Variants in THOC5 observed in about 807,000 individuals in gnomAD.
THOC5 encodes the protein THO complex subunit 5, also known as Fms-interacting protein.
A neutral mutation model predicts 92.9 loss-of-function variants in THOC5; 43 were observed. That is an observed-to-expected ratio of 0.46 (90% CI 0.36 to 0.60). The LOEUF is 0.60. Among genes scored for constraint, THOC5 ranks in the 20% least tolerant of loss-of-function variants. The pLI is 0.00. For missense variants in THOC5, 659 were observed against 849.4 expected (o/e 0.78, Z 2.79); for synonymous variants, 296 against 320.1 (o/e 0.92, Z 0.80).
At chr22:29,517,152 G>T (rs1334301081) in intron 16 of THOC5, 36 bp from the exon 17 acceptor site, 1 of 1,610,138 alleles carries the variant, frequency 6.2e-7, no homozygotes, top group Non-Finnish European at 8.5e-7. Context: ...GTGAACTGCT[G>T]GCTCCTCTGG....
chr22:29,552,936 TA>T (rs2064202151), intron 1 of THOC5, among the ~76,000 whole-genome samples: 1 of 152,180 alleles, frequency 6.6e-6, no homozygotes, highest in South Asian at 2.1e-4. Context: ...TCTATAGCCT[TA>T]CCCCCAACCC....
intron 1 of THOC5, among the ~76,000 whole-genome samples, chr22:29,551,497 T>C (rs112547061): frequency 0.033 from 4,975 of 152,142 alleles, 270 homozygotes; most frequent in African/African-American, 0.11. Context: ...CCCAACACTT[T>C]GGGAAACCAA....
In THOC5 at chr22:29,529,240, C is replaced by T. The variant is rs750990510; in HGVS notation, c.848-1G>A. The T allele has an allele frequency of 6.2e-7, 1 of 1,614,170 alleles. No homozygotes were observed. Among genetic ancestry groups the T allele is most frequent in the South Asian group, 1.1e-5 (1 of 91,076 alleles). On this transcript the variant is annotated splice_acceptor_variant, in intron 8 of 19. Transcript: ENST00000490103. LOFTEE classifies it high-confidence loss of function. The stretch of plus-strand genomic sequence containing the variant: ...TCGATTGCCACAGATAACGTCTTAT[C>T]TGGGGGGCAAGAAGAAGTCTGTTAG...
chr22:29,515,413 C>T (rs1235472819), intron 17 of THOC5, among the ~76,000 whole-genome samples: 3 of 152,130 alleles, frequency 2.0e-5, no homozygotes, highest in African/African-American at 4.8e-5. Flanking sequence ...TTTATACGTA[C>T]TGGGAAACCA....
chr22:29,553,107 G>T (rs1025423214), intron 1 of THOC5, among the ~76,000 whole-genome samples: 2 of 152,074 alleles, frequency 1.3e-5, no homozygotes, highest in African/African-American at 4.8e-5. Flanking sequence ...ACTGCGGAAG[G>T]CTGCAGGGTC....
intron 9 of THOC5, 181 bp downstream of exon 9, chr22:29,528,981 A>G (rs1026759427): frequency 8.2e-6 from 5 of 610,792 alleles, no homozygotes; most frequent in Admixed American, 6.2e-5. Context: ...GCTGAAATCC[A>G]CGGGCCGCAC....
At position 29,506,158 on chromosome 22, in the gene THOC5, C is replaced by T. The variant is rs1479826589; in HGVS notation, c.*2299G>A. The T allele has an allele frequency of 2.6e-5, 4 of 152,086 alleles. No individual in the cohort carries two copies. The highest frequency in any genetic ancestry group is 5.9e-5 in the Non-Finnish European group (4 of 68,026). The allele number at this position is 152,086 out of a possible 1,614,324, so 9.4% of individuals were successfully genotyped here. ...AAGGCGTAAGCCACTGTGCCCAGCCCATCTTATTTTTTAAAATGAAGAATG... is the reference window on the plus strand; with the variant it reads ...AAGGCGTAAGCCACTGTGCCCAGCCTATCTTATTTTTTAAAATGAAGAATG... On this transcript the variant is annotated 3_prime_UTR_variant, in exon 20 of 20. Coordinates refer to ENST00000490103, the MANE Select transcript of THOC5 (RefSeq NM_003678.5).
chr22:29,519,835 T>G (rs1262777863), intron 14 of THOC5, among the ~76,000 whole-genome samples, 173 bp downstream of exon 14: 1 of 152,042 alleles, frequency 6.6e-6, no homozygotes, highest in Non-Finnish European at 1.5e-5. Flanking sequence ...GGTTTCATCA[T>G]GTTGGCCAGG....
At chr22:29,539,681 C>T (rs1361424962) in intron 5 of THOC5, among the ~76,000 whole-genome samples, 3 of 152,332 alleles carry the variant, frequency 2.0e-5, no homozygotes, top group Non-Finnish European at 4.4e-5. Flanking sequence ...CTTATCCATG[C>T]TGTCCAACCT....
chr22:29,528,333 C>T (rs1384503359), intron 10 of THOC5, 93 bp downstream of exon 10: 1 of 1,614,022 alleles, frequency 6.2e-7, no homozygotes, highest in South Asian at 1.1e-5. Flanking sequence ...TCTTTCACAC[C>T]TCTTCTGCTT....
chr22:29,509,872 G>T (rs1047080619), intron 19 of THOC5, among the ~76,000 whole-genome samples: 4 of 151,438 alleles, frequency 2.6e-5, no homozygotes, highest in African/African-American at 9.7e-5. Context: ...AACAAGGTGA[G>T]GGAGAGGTAA....
chr22:29,519,212 C>T, intron 14 of THOC5, 92 bp from the exon 15 acceptor site: 3 of 774,848 alleles, frequency 3.9e-6, no homozygotes, highest in Admixed American at 4.8e-5. Flanking sequence ...TCTGCGGCAC[C>T]CTGGATTATC....
intron 12 of THOC5, among the ~76,000 whole-genome samples, chr22:29,522,511 G>A (rs1056676012): frequency 6.6e-6 from 1 of 152,054 alleles, no homozygotes; most frequent in Non-Finnish European, 1.5e-5. Flanking sequence ...GTTATTAATT[G>A]ACAAAACCTG....
At chr22:29,545,185 G>A (rs550688472) in intron 2 of THOC5, 24 of 302,516 alleles carry the variant, frequency 7.9e-5, no homozygotes, top group South Asian at 5.3e-4. Flanking sequence ...CCCATCAGAT[G>A]TCGTGAGACT....
At chr22:29,549,892 C>A (rs947072655) in intron 1 of THOC5, among the ~76,000 whole-genome samples, 2 of 152,088 alleles carry the variant, frequency 1.3e-5, no homozygotes, top group African/African-American at 4.8e-5. Flanking sequence ...CTAAGCAATG[C>A]TCATCTGCTC....
At position 29,508,036 on chromosome 22, in the gene THOC5, T is replaced by G; in HGVS notation, c.*421A>C. 6.0e-6 allele frequency: 1 copy of G among 166,240 alleles called. No homozygotes were observed. The highest frequency in any genetic ancestry group is 1.6e-4 in the South Asian group (1 of 6,132). 10.3% of individuals were successfully genotyped at this position (166,240 alleles called of 1,614,324 possible). ...GGAAGAGCGGGTGGGGAGGGAAGAG[T>G]TTTGCTTTTTGTGCTCTGCTGCCTT... On this transcript the variant is annotated 3_prime_UTR_variant, in exon 20 of 20. Transcript: ENST00000490103.
chr22:29,549,087 C>T lies in THOC5; in HGVS notation c.61G>A (p.Ala21Thr). ...PKVIRSDGAP[A>T]EGKRNRSDTE... is the part of the protein sequence containing the mutation. ...TCAGATCGATTCCGCTTTCCTTCAGCTGGGGCTCCATCGCTTCGGATCACT... is the reference window on the plus strand; with the variant it reads ...TCAGATCGATTCCGCTTTCCTTCAGTTGGGGCTCCATCGCTTCGGATCACT... The change falls in exon 2 of 20, where the codon GCT becomes ACT. Residue 21 changes from alanine (A) to threonine (T), a missense_variant. Physicochemically the swap from Ala to Thr is moderately conservative, Grantham distance 58. Transcript: ENST00000490103. 6.2e-7 allele frequency: 1 copy of T among 1,614,184 alleles called. No homozygotes were observed. Among genetic ancestry groups the T allele is most frequent in the Admixed American group, 1.7e-5 (1 of 60,008 alleles).
intron 12 of THOC5, among the ~76,000 whole-genome samples, chr22:29,523,836 T>C (rs1273390664): frequency 1.3e-5 from 2 of 152,210 alleles, no homozygotes; most frequent in Non-Finnish European, 2.9e-5. Flanking sequence ...ATTAGAATGA[T>C]AGTATGAGAT....
Position 29,544,593 on chromosome 22 carries a change from T to C in THOC5, c.107A>G (p.Tyr36Cys), listed in dbSNP as rs1748680034. The C allele has an allele frequency of 1.2e-6, 2 of 1,610,884 alleles. No homozygotes were observed. Among genetic ancestry groups the C allele is most frequent in the Non-Finnish European group, 1.7e-6 (2 of 1,178,346 alleles). The change falls in exon 3 of 20, where the codon TAC becomes TGC. Residue 36 changes from tyrosine (Y) to cysteine (C), a missense_variant. By Grantham distance (194) the Tyr-to-Cys change is radical. Coordinates refer to ENST00000490103, the MANE Select transcript of THOC5 (RefSeq NM_003678.5). ...ATCCACCTCGGCCTCCTCACTGTAG[T>C]ATTTACCTTCCTGTAGAGGTAAGGA... is the stretch of plus-strand genomic sequence containing the variant. ...NRSDTEQEGKYYSEEAEVDLR... is the reference protein window; with the variant it reads ...NRSDTEQEGKCYSEEAEVDLR...
Sources: allele counts gnomAD v4.1 joint callset (sites outside exome capture counted in the v4.1 genomes callset), GRCh38; gene constraint gnomAD v4.1.1; transcripts MANE v1.5; gene names NCBI Gene and HGNC (gene_info 2026-07-23, HGNC 2026-07-21).